The following SPTAN1 variants were observed in gnomAD, a reference collection of about 807,000 sequenced individuals.
SPTAN1 encodes spectrin alpha chain, non-erythrocytic 1.
In SPTAN1, 61 loss-of-function variants were observed where a neutral mutation model predicts 331.3. The ratio of observed to expected loss-of-function variants is 0.18; its 90% CI spans 0.15 to 0.23. The LOEUF (loss-of-function observed/expected upper bound fraction) is 0.23. SPTAN1 is among the 10% of genes least tolerant of loss of function. SPTAN1 has a pLI of 1.00. For synonymous variants in SPTAN1, 1,153 were observed against 1,173.9 expected, an observed-to-expected ratio of 0.98 and a Z score of 0.36; for missense variants, 2,043 against 3,147.9, an observed-to-expected ratio of 0.65 and a Z score of 8.40.
At chr9:128,615,933 C>A in intron 41 of SPTAN1, 93 bp downstream of exon 41, 1 of 1,379,846 alleles carries the variant, frequency 7.2e-7, no homozygotes, top group Non-Finnish European at 1.0e-6. Context: ...AGGCTGGAAA[C>A]CCTGCTGGAC....
chr9:128,610,274 T>G (rs1435852569), intron 37 of SPTAN1, among the ~76,000 whole-genome samples: 1 of 152,162 alleles, frequency 6.6e-6, no homozygotes, highest in Non-Finnish European at 1.5e-5. Flanking sequence ...TCAAAGTTAC[T>G]TAAGCGGGTG....
chr9:128,604,544 G>A (rs2131561109), intron 29 of SPTAN1, 127 bp downstream of exon 29: 2 of 889,438 alleles, frequency 2.2e-6, no homozygotes, highest in East Asian at 2.7e-5. Flanking sequence ...TTTGTGACAT[G>A]GGGTGGGTGC....
chr9:128,598,549 G>C (rs2131440069), intron 25 of SPTAN1, 45 bp downstream of exon 25: 1 of 1,425,904 alleles, frequency 7.0e-7, no homozygotes, highest in East Asian at 2.3e-5. Context: ...CTGTAAGGAT[G>C]CAGCTTTGTT....
intron 28 of SPTAN1, 92 bp downstream of exon 28, chr9:128,603,682 C>A: frequency 6.8e-7 from 1 of 1,481,260 alleles, no homozygotes; most frequent in Non-Finnish European, 9.4e-7. Flanking sequence ...TCTTGTCAAC[C>A]GGGTGACCTG....
Position 128,585,985 on chromosome 9 carries a change from G to A in SPTAN1, c.2778+20G>A, listed in dbSNP as rs201463905. 1.6e-4 allele frequency: 259 copies of A among 1,610,332 alleles called. 2 individuals carry two copies. The African/African-American group carries it at 2.1e-3, about 13-fold the overall frequency. On this transcript the variant is annotated intron_variant, in intron 19 of 56. Transcript: ENST00000372739. ...GCTGAGGTAACCAGGCGTGGGAAGC[G>A]TCTCACCTGCCAGGGAAGTGGAACA...
intron 31 of SPTAN1, among the ~76,000 whole-genome samples, chr9:128,607,089 TG>T (rs1702096236): frequency 6.6e-6 from 1 of 152,230 alleles, no homozygotes; most frequent in Non-Finnish European, 1.5e-5. Flanking sequence ...CCCTTGTGGT[TG>T]TACAGCTGTG....
At chr9:128,603,357 C>G (rs1294455866) in intron 27 of SPTAN1, among the ~76,000 whole-genome samples, 186 bp from the exon 28 acceptor site, 1 of 152,078 alleles carries the variant, frequency 6.6e-6, no homozygotes, top group Non-Finnish European at 1.5e-5. Context: ...TAATTGTGCA[C>G]TTTGGGTATT....
At chr9:128,574,620 C>T in intron 3 of SPTAN1, 55 bp from the exon 4 acceptor site, 1 of 1,609,924 alleles carries the variant, frequency 6.2e-7, no homozygotes, top group Non-Finnish European at 8.5e-7. Flanking sequence ...ATGGAAGAGC[C>T]AGATCCCACA....
intron 44 of SPTAN1, among the ~76,000 whole-genome samples, chr9:128,619,308 C>T (rs758563834): frequency 3.9e-5 from 6 of 152,286 alleles, no homozygotes; most frequent in South Asian, 4.1e-4. Flanking sequence ...GTACCACAAA[C>T]GGAGTGGCAC....
chr9:128,604,856 G>A (rs983523601), intron 29 of SPTAN1, among the ~76,000 whole-genome samples, 178 bp from the exon 30 acceptor site: 41 of 152,206 alleles, frequency 2.7e-4, no homozygotes, highest in African/African-American at 9.1e-4. Context: ...ACTTGAACCC[G>A]GTGGGGGCGG....
rs751627937 is a variant in SPTAN1, at chr9:128,605,211, A to G, written c.3864+33A>G. 1.2e-5 allele frequency: 19 copies of G among 1,614,096 alleles called. No individual in the cohort carries two copies. In the South Asian group the frequency reaches 2.0e-4, roughly 17 times the overall value. On this transcript the variant is annotated intron_variant, in intron 30 of 56. Coordinates refer to ENST00000372739, the MANE Select transcript of SPTAN1 (RefSeq NM_001130438.3). ...GACCCAAAGTCATCTTCTGTCTGGC[A>G]TTTTTGCCCCAGAAAGAGCAGAGTC...
chr9:128,624,184 C>T, intron 45 of SPTAN1, 144 bp from the exon 46 acceptor site: 1 of 851,378 alleles, frequency 1.2e-6, no homozygotes, highest in Non-Finnish European at 1.9e-6. Flanking sequence ...CTTACAAAAG[C>T]CTTACCCTAT....
chr9:128,628,047 C>G, intron 51 of SPTAN1, 105 bp downstream of exon 51: 1 of 1,433,202 alleles, frequency 7.0e-7, no homozygotes, highest in Non-Finnish European at 9.8e-7. Context: ...CCTTCCTGCC[C>G]AGGGCGGGCT....
At chr9:128,630,178 A>G in intron 51 of SPTAN1, 143 bp from the exon 52 acceptor site, 1 of 880,248 alleles carries the variant, frequency 1.1e-6, no homozygotes, top group Non-Finnish European at 1.9e-6. Flanking sequence ...CCCATTAGGT[A>G]AAGATGGCCA....
chr9:128,598,062 C>G (rs1589268895), intron 24 of SPTAN1, among the ~76,000 whole-genome samples: 1 of 152,212 alleles, frequency 6.6e-6, no homozygotes, highest in African/African-American at 2.4e-5. Flanking sequence ...GATTCTCCTG[C>G]CTCAGCCTCC....
chr9:128,593,977 T>A, intron 23 of SPTAN1, 198 bp from the exon 24 acceptor site: 1 of 634,816 alleles, frequency 1.6e-6, no homozygotes, highest in East Asian at 2.9e-5. Flanking sequence ...CAGTACAGTG[T>A]GCGCATATCT....
intron 3 of SPTAN1, 104 bp from the exon 4 acceptor site, chr9:128,574,571 A>T (rs906852260): frequency 7.5e-7 from 1 of 1,325,738 alleles, no homozygotes; most frequent in Non-Finnish European, 1.1e-6. Context: ...AAATATTTTT[A>T]TTCAGCGCTC....
At position 128,626,697 on chromosome 9, in the gene SPTAN1, C is replaced by T; in HGVS notation, c.6576+10C>T. 6.3e-7 allele frequency: 1 copy of T among 1,598,932 alleles called. No individual in the cohort carries two copies. On this transcript the variant is annotated intron_variant, in intron 49 of 56. Coordinates refer to ENST00000372739, the MANE Select transcript of SPTAN1 (RefSeq NM_001130438.3). ...ACAGAAAATCATCAAGGTACACCTC[C>T]CGCTGCCCTCAGGAGCTGCTCGGCC...
intron 49 of SPTAN1, 109 bp downstream of exon 49, chr9:128,626,796 A>G: frequency 8.4e-7 from 1 of 1,189,084 alleles, no homozygotes; most frequent in Non-Finnish European, 1.2e-6. Context: ...AGGATGGAGG[A>G]GCATGGTTTC....
Sources: gnomAD v4.1 joint callset for allele counts (sites outside exome capture counted in the v4.1 genomes callset) on GRCh38, gnomAD v4.1.1 for gene constraint, MANE v1.5 for transcripts, NCBI Gene and HGNC (gene_info 2026-07-23, HGNC 2026-07-21) for gene names.